MORN3: variants seen among roughly 807,000 people sequenced by gnomAD.
MORN3 encodes MORN repeat-containing protein 3.
In MORN3, 38 loss-of-function variants were observed where a neutral mutation model predicts 34.7. That is an observed-to-expected ratio of 1.10 (90% confidence interval 0.85 to 1.44). MORN3 has a LOEUF of 1.44. Ranked by LOEUF, MORN3 falls within the 40% of genes most tolerant of loss-of-function variation. The pLI is 0.00. For missense variants in MORN3, 311 were observed against 321.7 expected, an observed-to-expected ratio of 0.97 and a Z score of 0.25; for synonymous variants, 109 against 115.3, an observed-to-expected ratio of 0.95 and a Z score of 0.35.
chr12:121,663,665 G>A (rs1233257927), intron 1 of MORN3, among the ~76,000 whole-genome samples: 3 of 152,096 alleles, frequency 2.0e-5, no homozygotes, highest in South Asian at 4.1e-4. Flanking sequence ...TCATGGGGTT[G>A]TTTCTTATCA....
intron 3 of MORN3, 37 bp from the exon 4 acceptor site, chr12:121,653,296 A>C (rs1555325322): frequency 6.3e-7 from 1 of 1,598,246 alleles, no homozygotes; most frequent in Admixed American, 1.7e-5. Flanking sequence ...TGCAGGGTAC[A>C]CCAAACTAAG....
At chr12:121,668,034 A>G (rs1415314131) in intron 1 of MORN3, among the ~76,000 whole-genome samples, 2 of 148,960 alleles carry the variant, frequency 1.3e-5, no homozygotes, top group African/African-American at 2.5e-5. Flanking sequence ...CACCTGGCCC[A>G]TTTTTGTATT....
upstream of MORN3, among the ~76,000 whole-genome samples, chr12:121,671,869 A>C (rs1031468887): frequency 2.9e-5 from 4 of 139,562 alleles, no homozygotes; most frequent in African/African-American, 1.2e-4. Flanking sequence ...AAAAAGAGTG[A>C]AACTCCGTCT....
rs370853376 is a variant in MORN3 at position 121,654,958 on chromosome 12, A to G, written c.304-525T>C. 2.6e-5 allele frequency among the ~76,000 whole-genome samples: 4 copies of G among 151,836 alleles called. No individual in the cohort carries two copies. The South Asian group carries it at 8.4e-4, about 32-fold the overall frequency. On this transcript the variant is annotated intron_variant, in intron 2 of 5. Transcript: ENST00000355329. ...TCTCTGTCCCTCTGCTGGCGCCTCCATGCAGCCAGTCATTAAACTCCCTCC... is the reference window on the plus strand; with the variant it reads ...TCTCTGTCCCTCTGCTGGCGCCTCCGTGCAGCCAGTCATTAAACTCCCTCC...
At chr12:121,661,691 C>T (rs1389660325) in intron 1 of MORN3, among the ~76,000 whole-genome samples, 1 of 152,046 alleles carries the variant, frequency 6.6e-6, no homozygotes, top group East Asian at 1.9e-4. Flanking sequence ...GCCTGGCCAA[C>T]ATAGTGAAAC....
chr12:121,659,137 GCACACACACACACACACA>G lies in MORN3; in HGVS notation c.303+36_303+53del. 2.0e-6 allele frequency: 3 copies of G among 1,484,614 alleles called. 1 individual carries two copies. Among genetic ancestry groups the G allele is most frequent in the South Asian group, 2.4e-5 (2 of 81,920 alleles). 92.0% of individuals were successfully genotyped at this position (1,484,614 alleles called of 1,614,324 possible). ...CGGCTTCCCCTAAACACACACGCGC[GCACACACACACACACACA>G]CACACACACACACCCCGGCTGGCAG... On this transcript the variant is annotated intron_variant, in intron 2 of 5. Coordinates refer to ENST00000355329, the MANE Select transcript of MORN3 (RefSeq NM_173855.5).
intron 1 of MORN3, 47 bp downstream of exon 1, chr12:121,669,292 T>C (rs1893873523): frequency 6.2e-7 from 1 of 1,606,424 alleles, no homozygotes; most frequent in Non-Finnish European, 8.5e-7. Flanking sequence ...TGTTGCCCAC[T>C]GTGGCTCTGA....
chr12:121,669,834 T>TAATATATATATATATA (rs1566488482), upstream of MORN3, among the ~76,000 whole-genome samples: 1 of 92,270 alleles, frequency 1.1e-5, no homozygotes, highest in African/African-American at 4.6e-5. Context: ...ATATATATAT[T>TAATATATATATATATA]TTTTTTTTTA....
upstream of MORN3, among the ~76,000 whole-genome samples, chr12:121,672,346 G>A (rs772174135): frequency 1.1e-4 from 17 of 152,126 alleles, no homozygotes; most frequent in Non-Finnish European, 2.2e-4. Context: ...TGTAGTCCCA[G>A]CTGCGCGGGA....
intron 1 of MORN3, among the ~76,000 whole-genome samples, chr12:121,660,670 C>CTT (rs780680002): frequency 3.4e-4 from 41 of 120,718 alleles, no homozygotes; most frequent in African/African-American, 1.2e-3. Context: ...TTCTTTCTTT[C>CTT]TTTTTTTTTT....
chr12:121,671,060 G>A (rs1566489193), upstream of MORN3, among the ~76,000 whole-genome samples: 1 of 145,664 alleles, frequency 6.9e-6, no homozygotes, highest in African/African-American at 2.6e-5. Flanking sequence ...GCAGTGAGCC[G>A]AGATTGCACC....
At position 121,655,806 on chromosome 12, in the gene MORN3, G is replaced by A. The variant is rs146521716; in HGVS notation, c.304-1373C>T. On this transcript the variant is annotated intron_variant, in intron 2 of 5. Coordinates refer to ENST00000355329, the MANE Select transcript of MORN3 (RefSeq NM_173855.5). Reference sequence around the variant, plus strand: ...AGCACTTTGGGAGGCCAAGGCAGGCGGATCACAAGGTCAGGAGATCGAGAC... The same window carrying A: ...AGCACTTTGGGAGGCCAAGGCAGGCAGATCACAAGGTCAGGAGATCGAGAC... 2.0e-3 allele frequency among the ~76,000 whole-genome samples: 304 copies of A among 152,014 alleles called. 4 individuals carry two copies. In the East Asian group the frequency reaches 0.05, roughly 25 times the overall value.
intron 1 of MORN3, among the ~76,000 whole-genome samples, chr12:121,665,352 G>C (rs369996311): frequency 1.4e-3 from 182 of 131,210 alleles, no homozygotes; most frequent in African/African-American, 4.8e-3. Flanking sequence ...GTGCACTGGC[G>C]CGATCTCGGC....
intron 1 of MORN3, among the ~76,000 whole-genome samples, chr12:121,663,941 T>G (rs1233520317): frequency 6.6e-6 from 1 of 152,080 alleles, no homozygotes; most frequent in African/African-American, 2.4e-5. Context: ...TCTCCCACTC[T>G]AAACCCCCAA....
rs1566487088 is a variant in MORN3, at chr12:121,667,824, C to T, written c.145+1515G>A. 4.0e-5 allele frequency among the ~76,000 whole-genome samples: 6 copies of T among 150,630 alleles called. No individual in the cohort carries two copies. The South Asian group carries it at 1.1e-3, about 27-fold the overall frequency. ...CTGCAAGCTCCGCCTCCTGGGTTCACGCCATTCTCCTGCCTCAGCCTCCCG... is the reference window on the plus strand; with the variant it reads ...CTGCAAGCTCCGCCTCCTGGGTTCATGCCATTCTCCTGCCTCAGCCTCCCG... On this transcript the variant is annotated intron_variant, in intron 1 of 5. Coordinates refer to ENST00000355329, the MANE Select transcript of MORN3 (RefSeq NM_173855.5).
chr12:121,657,782 G>T (rs900386227), intron 2 of MORN3, among the ~76,000 whole-genome samples: 7 of 152,080 alleles, frequency 4.6e-5, no homozygotes, highest in African/African-American at 1.7e-4. Context: ...CAGGAGAATC[G>T]CTTGAACCCA....
At chr12:121,667,232 G>C (rs1417232803) in intron 1 of MORN3, among the ~76,000 whole-genome samples, 1 of 151,822 alleles carries the variant, frequency 6.6e-6, no homozygotes, top group Non-Finnish European at 1.5e-5. Flanking sequence ...AAAGTGCTGG[G>C]ATTTCAGGCA....
At chr12:121,656,193 C>G (rs1893410212) in intron 2 of MORN3, among the ~76,000 whole-genome samples, 1 of 152,174 alleles carries the variant, frequency 6.6e-6, no homozygotes, top group Admixed American at 6.6e-5. Context: ...CACTCCTGTC[C>G]CAGGGCAGAC....
upstream of MORN3, among the ~76,000 whole-genome samples, chr12:121,672,415 C>G (rs1443724398): frequency 1.3e-5 from 2 of 151,980 alleles, no homozygotes; most frequent in African/African-American, 4.8e-5. Flanking sequence ...AGCTATCATC[C>G]GGCGCCACTG....
Sources: gnomAD v4.1 joint callset for allele counts (sites outside exome capture counted in the v4.1 genomes callset) on GRCh38, gnomAD v4.1.1 for gene constraint, MANE v1.5 for transcripts, NCBI Gene and HGNC (gene_info 2026-07-23, HGNC 2026-07-21) for gene names.